PCDHGB3: variants seen among roughly 807,000 people sequenced by gnomAD.
PCDHGB3 encodes protocadherin gamma-B3.
PCDHGB3 carries 40 observed loss-of-function variants against 59.2 expected under a neutral mutation model. That is an observed-to-expected ratio of 0.68 (90% confidence interval 0.52 to 0.88). The LOEUF (loss-of-function observed/expected upper bound fraction) is 0.88, where lower values mean the gene tolerates loss of function less well. Ranked by LOEUF, PCDHGB3 falls within the 40% of genes least tolerant of loss-of-function variation. The pLI is 0.00. For synonymous variants in PCDHGB3, 581 were observed against 503.6 expected (o/e 1.15, Z -2.06); for missense variants, 1,309 against 1,187.9 (o/e 1.10, Z -1.50).
rs1445356223 is a variant in PCDHGB3, at chr5:141,490,414, G to T, written c.2416-4393G>T. On this transcript the variant is annotated intron_variant, in intron 1 of 3. Transcript: ENST00000576222. This position sits in a 1 kb window ranked among gnomAD's most constrained non-coding sequence, Gnocchi z 5.4. ...TGAAGTGAGCCTTGATATCTCTCCGGACCTGCCATTTCAGATTAAGCCTTC... is the reference window on the plus strand; with the variant it reads ...TGAAGTGAGCCTTGATATCTCTCCGTACCTGCCATTTCAGATTAAGCCTTC... The T allele has an allele frequency of 1.2e-6, 2 of 1,614,138 alleles. No homozygotes were observed. The highest frequency in any genetic ancestry group is 1.7e-6 in the Non-Finnish European group (2 of 1,180,024).
chr5:141,400,372 A>T, intron 1 of PCDHGB3: 1 of 1,613,980 alleles, frequency 6.2e-7, no homozygotes, highest in South Asian at 1.1e-5. Flanking sequence ...TTATTCCTAC[A>T]ACCTATGTGT....
At chr5:141,399,922 T>C in intron 1 of PCDHGB3, 1 of 1,612,334 alleles carries the variant, frequency 6.2e-7, no homozygotes, top group African/African-American at 1.3e-5. Flanking sequence ...ACACAACGCC[T>C]GGCTGTCCTA....
rs1191020056 is a variant in PCDHGB3, at chr5:141,370,558, G to A, written c.164G>A (p.Gly55Glu). 3 of 1,613,818 alleles carry A rather than the reference G, an allele frequency of 1.9e-6. No individual in the cohort carries two copies. The highest frequency in any genetic ancestry group is 3.3e-5 in the Admixed American group (2 of 59,992). Residue 55 changes from glycine to glutamate, a missense_variant, in exon 1 of 4, where the codon GGG (glycine) becomes GAG (glutamate). Transcript: ENST00000576222. ...SLVGNLAKDL[G>E]FGVGDLPTRN... The stretch of plus-strand genomic sequence containing the variant: ...GTAGGGAACCTCGCCAAGGACCTGG[G>A]GTTTGGCGTGGGGGATTTACCTACT...
chr5:141,407,659 T>C (rs1443799600), intron 1 of PCDHGB3, among the ~76,000 whole-genome samples: 1 of 152,136 alleles, frequency 6.6e-6, no homozygotes, highest in East Asian at 1.9e-4. Flanking sequence ...GGGAGCGCAG[T>C]ATATATTAAA....
Position 141,511,002 on chromosome 5 carries a change from C to A in PCDHGB3, c.2619C>A (p.Ser873Arg), listed in dbSNP as rs143630962. The change falls in exon 4 of 4, where the codon AGC becomes AGA. Residue 873 changes from serine to arginine, a missense_variant. Physicochemically the swap from Ser to Arg is moderately radical, Grantham distance 110. Transcript: ENST00000576222. Reference protein sequence around the residue: ...LGGGAGTMGLSARYGPQFTLQ... With the variant: ...LGGGAGTMGLRARYGPQFTLQ... ...GGGGTGCCGGCACCATGGGATTGAG[C>A]GCCCGCTACGGACCCCAGTTCACCC... The A allele has an allele frequency of 8.7e-6, 14 of 1,614,140 alleles. No homozygotes were observed. The highest frequency in any genetic ancestry group is 1.2e-5 in the Non-Finnish European group (14 of 1,180,018).
At chr5:141,398,502 C>A in intron 1 of PCDHGB3, 1 of 1,596,962 alleles carries the variant, frequency 6.3e-7, no homozygotes, top group Admixed American at 1.7e-5. Flanking sequence ...AGATCGAGGA[C>A]ATTAATGACC....
At chr5:141,494,305 C>T (rs544773836) in intron 1 of PCDHGB3, among the ~76,000 whole-genome samples, 1 of 152,346 alleles carries the variant, frequency 6.6e-6, no homozygotes, top group East Asian at 1.9e-4. Context: ...GAATGTGTCA[C>T]TGCACAACCT....
At chr5:141,393,458 G>C in intron 1 of PCDHGB3, 1 of 1,614,020 alleles carries the variant, frequency 6.2e-7, no homozygotes, top group Non-Finnish European at 8.5e-7. Flanking sequence ...TCACGGCCTC[G>C]GATGGCGGCA....
rs376773009 is a variant in PCDHGB3, at chr5:141,511,838, C to T, written c.*665C>T. 64 of 156,854 alleles carry T rather than the reference C, an allele frequency of 4.1e-4. No homozygotes were observed. Among genetic ancestry groups the T allele is most frequent in the Non-Finnish European group, 6.8e-4 (48 of 70,726 alleles). The allele number at this position is 156,854 out of a possible 1,614,324, so 9.7% of individuals were successfully genotyped here. A position where few individuals can be genotyped will look rare whatever the true frequency, so the allele number is the denominator to read the frequency against. ...TCTTCCCAACGCCCTGGGGACCAGTCTTCTGTTTTGTTTTTCATTGTTTGA... is the reference window on the plus strand; with the variant it reads ...TCTTCCCAACGCCCTGGGGACCAGTTTTCTGTTTTGTTTTTCATTGTTTGA... On this transcript the variant is annotated 3_prime_UTR_variant, in exon 4 of 4. Transcript: ENST00000576222.
chr5:141,485,239 C>T lies in PCDHGB3; in HGVS notation c.2416-9568C>T. ...GGGCTACCCTTTTGTTCCTCTTTTA[C>T]CACCTGGGTTACGTTTGTGGGCAGA... On this transcript the variant is annotated intron_variant, in intron 1 of 3. Transcript: ENST00000576222. This position sits in a 1 kb window ranked among gnomAD's most constrained non-coding sequence, Gnocchi z 5.7. The T allele has an allele frequency of 6.2e-7, 1 of 1,614,140 alleles. No homozygotes were observed. Among genetic ancestry groups the T allele is most frequent in the South Asian group, 1.1e-5 (1 of 91,072 alleles).
chr5:141,391,314 T>C (rs2092347404), intron 1 of PCDHGB3: 1 of 151,522 alleles, frequency 6.6e-6, no homozygotes, highest in Non-Finnish European at 1.5e-5. Flanking sequence ...TTCTTTTTTT[T>C]TTCTTTTTTT....
rs535194185 is a variant in PCDHGB3, at chr5:141,485,480, A to C, written c.2416-9327A>C. 6.2e-7 allele frequency: 1 copy of C among 1,614,154 alleles called. No individual in the cohort carries two copies. The highest frequency in any genetic ancestry group is 1.7e-5 in the Admixed American group (1 of 60,020). On this transcript the variant is annotated intron_variant, in intron 1 of 3. Coordinates refer to ENST00000576222, the MANE Select transcript of PCDHGB3 (RefSeq NM_018924.5). This position sits in a 1 kb window ranked among gnomAD's most constrained non-coding sequence, Gnocchi z 5.7. The stretch of plus-strand genomic sequence containing the variant: ...ACTGTGTGGGCTCAGTGCCAGCTGC[A>C]TCGTGCCCCTGGAGTTTGTCACCGA...
intron 1 of PCDHGB3, chr5:141,376,077 C>T (rs373865501): frequency 6.2e-7 from 1 of 1,613,380 alleles, no homozygotes; most frequent in Non-Finnish European, 8.5e-7. Flanking sequence ...GTGGCCGTGG[C>T]CGACAGGATC....
In PCDHGB3 at chr5:141,487,107, T is replaced by C. The variant is rs1193091014; in HGVS notation, c.2416-7700T>C. 6.2e-7 allele frequency: 1 copy of C among 1,613,926 alleles called. No individual in the cohort carries two copies. The highest frequency in any genetic ancestry group is 8.5e-7 in the Non-Finnish European group (1 of 1,179,782). On this transcript the variant is annotated intron_variant, in intron 1 of 3. Transcript: ENST00000576222. This position sits in a 1 kb window ranked among gnomAD's most constrained non-coding sequence, Gnocchi z 5.0. ...GACCTCCCACCACAGAAGCTGGTCA[T>C]TGTGGTAAAGGATAGTGGTAGTCCA...
At position 141,489,425 on chromosome 5, in the gene PCDHGB3, G is replaced by C. The variant is rs779739693; in HGVS notation, c.2416-5382G>C. On this transcript the variant is annotated intron_variant, in intron 1 of 3. Transcript: ENST00000576222. This position sits in a 1 kb window ranked among gnomAD's most constrained non-coding sequence, Gnocchi z 4.5. ...TTAAAGATGACAGATCTGTTGAGCC[G>C]GCGGCTGCAATTGGGCTCTGAGGAG... The C allele has an allele frequency of 4.3e-6, 7 of 1,614,118 alleles. No individual in the cohort carries two copies. The highest frequency in any genetic ancestry group is 1.1e-5 in the South Asian group (1 of 91,070).
chr5:141,407,869 A>T lies in PCDHGB3; in HGVS notation c.2415+35060A>T, dbSNP rs1031666668. ...GGATGTACACCTGCATTTTCGAAGA[A>T]TATATACATTTCGGAGACCGAATTC... On this transcript the variant is annotated intron_variant, in intron 1 of 3. Coordinates refer to ENST00000576222, the MANE Select transcript of PCDHGB3 (RefSeq NM_018924.5). Among the ~76,000 whole-genome samples, 20 of 152,262 alleles carry T rather than the reference A, an allele frequency of 1.3e-4. No homozygotes were observed. The East Asian group carries it at 1.5e-3, about 12-fold the overall frequency.
Position 141,510,999 on chromosome 5 carries a change from G to C in PCDHGB3, c.2616G>C (p.Leu872Phe). Residue 872 changes from leucine (L) to phenylalanine (F), a missense_variant, in exon 4 of 4, where the codon TTG (leucine) becomes TTC (phenylalanine). Coordinates refer to ENST00000576222, the MANE Select transcript of PCDHGB3 (RefSeq NM_018924.5). ...GAGGGGGTGCCGGCACCATGGGATT[G>C]AGCGCCCGCTACGGACCCCAGTTCA... ...TLGGGAGTMG[L>F]SARYGPQFTL... 6.2e-7 allele frequency: 1 copy of C among 1,614,144 alleles called. No homozygotes were observed. Among genetic ancestry groups the C allele is most frequent in the Non-Finnish European group, 8.5e-7 (1 of 1,180,008 alleles).
chr5:141,408,043 A>G, intron 1 of PCDHGB3: 1 of 1,220,238 alleles, frequency 8.2e-7, no homozygotes, highest in Non-Finnish European at 1.1e-6. Context: ...ACCAGCTCCC[A>G]CACAGAGCCT....
At chr5:141,495,052 CTGTT>C (rs1406995321) in intron 2 of PCDHGB3, among the ~76,000 whole-genome samples, 187 bp downstream of exon 2, 1 of 152,190 alleles carries the variant, frequency 6.6e-6, no homozygotes, top group Non-Finnish European at 1.5e-5. Context: ...ACTGCCCTGA[CTGTT>C]CAGGAAGCTC....
Sources: allele counts gnomAD v4.1 joint callset (sites outside exome capture counted in the v4.1 genomes callset), GRCh38; gene constraint gnomAD v4.1.1; non-coding constraint Gnocchi (gnomAD v3.1); transcripts MANE v1.5; gene names NCBI Gene and HGNC (gene_info 2026-07-23, HGNC 2026-07-21).